GALNT13: variants seen among roughly 807,000 people sequenced by gnomAD.
The protein encoded by GALNT13 is polypeptide N-acetylgalactosaminyltransferase 13, also known as UDP-GalNAc:polypeptide N-acetylgalactosaminyltransferase 13.
A neutral mutation model predicts 64.2 loss-of-function variants in GALNT13; 28 were observed. That is an observed-to-expected ratio of 0.44 (90% CI 0.32 to 0.60). The LOEUF is 0.60. Ranked by LOEUF, GALNT13 falls within the 20% of genes least tolerant of loss-of-function variation. GALNT13 has a pLI of 0.05. For missense variants in GALNT13, 577 were observed against 669.8 expected, an observed-to-expected ratio of 0.86 and a Z score of 1.53; for synonymous variants, 214 against 224.6, an observed-to-expected ratio of 0.95 and a Z score of 0.42.
At chr2:153,967,952 G>T (rs1358336654) in intron 3 of GALNT13, among the ~76,000 whole-genome samples, 2 of 151,994 alleles carry the variant, frequency 1.3e-5, no homozygotes, top group African/African-American at 4.8e-5. Flanking sequence ...CTGTGAGTGA[G>T]CTGGTACCCA....
chr2:154,219,954 A>G (rs570040021), intron 4 of GALNT13, among the ~76,000 whole-genome samples: 1 of 152,264 alleles, frequency 6.6e-6, no homozygotes, highest in East Asian at 1.9e-4. Flanking sequence ...ATGAAGAATA[A>G]GGACACATAT....
intron 10 of GALNT13, among the ~76,000 whole-genome samples, chr2:154,403,379 C>A (rs572012441): frequency 6.6e-6 from 1 of 151,902 alleles, no homozygotes; most frequent in African/African-American, 2.4e-5. Flanking sequence ...TCACTTGAAC[C>A]TGGGAGTTGG....
chr2:153,274,122 G>A, the GALNT13 span, among the ~76,000 whole-genome samples: 1 of 152,128 alleles, frequency 6.6e-6, no homozygotes, highest in African/African-American at 2.4e-5. Flanking sequence ...ATAATCGCTG[G>A]AACCTGGGAG....
chr2:154,430,127 G>A (rs889678037), intron 11 of GALNT13, among the ~76,000 whole-genome samples: 2 of 152,106 alleles, frequency 1.3e-5, no homozygotes, highest in African/African-American at 4.8e-5. Flanking sequence ...ATAGATCAAG[G>A]AGCAAGTTCA....
At chr2:153,320,694 C>A in the GALNT13 span, among the ~76,000 whole-genome samples, 16 of 152,304 alleles carry the variant, frequency 1.1e-4, no homozygotes, top group East Asian at 3.1e-3. Context: ...ATTTAAAATT[C>A]GCTGAAGTGA....
At chr2:153,324,306 G>A in the GALNT13 span, among the ~76,000 whole-genome samples, 3 of 152,022 alleles carry the variant, frequency 2.0e-5, no homozygotes, top group East Asian at 5.8e-4. Context: ...GTCTATTATT[G>A]GTGTATAGGA....
the GALNT13 span, among the ~76,000 whole-genome samples, chr2:153,822,729 C>T: frequency 9.2e-5 from 14 of 152,070 alleles, no homozygotes; most frequent in African/African-American, 3.1e-4. Context: ...CAAGAATACT[C>T]ACTCTCACCA....
chr2:153,126,294 TTGTATATATATATA>T, the GALNT13 span, among the ~76,000 whole-genome samples: 27 of 50,948 alleles, frequency 5.3e-4, no homozygotes, highest in East Asian at 1.4e-3. Flanking sequence ...AGTATTGATT[TTGTATATATATATA>T]TATATATATA....
intron 3 of GALNT13, among the ~76,000 whole-genome samples, chr2:153,950,051 A>G (rs1159653690): frequency 6.3e-5 from 6 of 94,808 alleles, no homozygotes; most frequent in African/African-American, 1.3e-4. Flanking sequence ...TTCTTAAAAC[A>G]TAAAAAAATT....
intron 9 of GALNT13, among the ~76,000 whole-genome samples, chr2:154,334,680 T>G (rs1182689039): frequency 6.6e-6 from 1 of 152,040 alleles, no homozygotes. Flanking sequence ...ATTCCTGGAC[T>G]TTGTGTATAT....
At chr2:153,759,031 T>C in the GALNT13 span, among the ~76,000 whole-genome samples, 1 of 152,238 alleles carries the variant, frequency 6.6e-6, no homozygotes, top group Non-Finnish European at 1.5e-5. Flanking sequence ...GTTAAATGTA[T>C]TTCTAAGCAC....
chr2:153,570,811 T>C, the GALNT13 span, among the ~76,000 whole-genome samples: 436 of 152,258 alleles, frequency 2.9e-3, no homozygotes, highest in Non-Finnish European at 5.3e-3. Flanking sequence ...GTTCCATTGT[T>C]CTATGTGTCT....
rs1247859950 is a variant in GALNT13, at chr2:154,369,147, A to T, written c.1157-26844A>T. On this transcript the variant is annotated intron_variant, in intron 9 of 12. Transcript: ENST00000392825. The stretch of plus-strand genomic sequence containing the variant: ...ATGGTAATATTAGGGAGACATATAA[A>T]AAATTTAGGGAGCCCTAAAAAGCCT... Among the ~76,000 whole-genome samples, 3 of 152,088 alleles carry T rather than the reference A, an allele frequency of 2.0e-5. No homozygotes were observed. In the East Asian group the frequency reaches 5.8e-4, roughly 29 times the overall value.
chr2:154,051,237 A>T (rs1699588065), intron 3 of GALNT13, among the ~76,000 whole-genome samples: 1 of 151,600 alleles, frequency 6.6e-6, no homozygotes, highest in South Asian at 2.1e-4. Context: ...TTTAAATCTC[A>T]ATTACTGGAA....
At chr2:153,527,516 G>A in the GALNT13 span, among the ~76,000 whole-genome samples, 1 of 152,062 alleles carries the variant, frequency 6.6e-6, no homozygotes, top group Admixed American at 6.6e-5. Flanking sequence ...CTGTCCTAAA[G>A]GAATGCTAAA....
chr2:153,418,252 A>G, the GALNT13 span, among the ~76,000 whole-genome samples: 1 of 152,230 alleles, frequency 6.6e-6, no homozygotes, highest in Non-Finnish European at 1.5e-5. Flanking sequence ...AGTAGCCTCT[A>G]GAAGCTGCAA....
At chr2:153,862,660 C>T in the GALNT13 span, among the ~76,000 whole-genome samples, 1 of 151,798 alleles carries the variant, frequency 6.6e-6, no homozygotes, top group Admixed American at 6.6e-5. Context: ...TTTTACTATA[C>T]CTTACATTTG....
chr2:153,555,415 C>T, the GALNT13 span, among the ~76,000 whole-genome samples: 3 of 105,296 alleles, frequency 2.8e-5, no homozygotes, highest in Admixed American at 1.8e-4. Flanking sequence ...AGGATGGTCT[C>T]GATCTCCTGA....
At chr2:154,359,828 T>A (rs13016224) in intron 9 of GALNT13, among the ~76,000 whole-genome samples, 9,422 of 152,152 alleles carry the variant, frequency 0.062, 293 homozygotes, top group East Asian at 0.11. Flanking sequence ...TCAAAATCAA[T>A]GTGAATTAGA....
Sources: allele counts gnomAD v4.1 joint callset (sites outside exome capture counted in the v4.1 genomes callset), GRCh38; gene constraint gnomAD v4.1.1; transcripts MANE v1.5; gene names NCBI Gene and HGNC (gene_info 2026-07-23, HGNC 2026-07-21).